Variants in FAT3 observed in about 807,000 individuals in gnomAD.
FAT3 encodes FAT atypical cadherin 3.
FAT3 carries 95 observed loss-of-function variants against 310.2 expected under a neutral mutation model. The ratio of observed to expected loss-of-function variants is 0.31; its 90% CI spans 0.26 to 0.36. The LOEUF is 0.36. Among genes scored for constraint, FAT3 ranks in the 10% least tolerant of loss-of-function variants. The pLI, the probability that FAT3 is intolerant of heterozygous loss-of-function variation, is 1.00. For missense variants in FAT3, 5,408 were observed against 5,715.6 expected (o/e 0.95, Z 1.74); for synonymous variants, 2,314 against 2,192.9 (o/e 1.06, Z -1.54).
At chr11:92,376,068 C>A (rs1949334676) in intron 2 of FAT3, among the ~76,000 whole-genome samples, 1 of 152,160 alleles carries the variant, frequency 6.6e-6, no homozygotes. Flanking sequence ...AACAGTAGCA[C>A]TTTATAAAAT....
intron 2 of FAT3, among the ~76,000 whole-genome samples, chr11:92,489,021 G>A (rs1952518256): frequency 6.6e-6 from 1 of 152,092 alleles, no homozygotes; most frequent in Non-Finnish European, 1.5e-5. Flanking sequence ...AGTCAAATAA[G>A]GTAAGTGCAT....
chr11:92,497,470 CTT>C (rs1346939744), intron 2 of FAT3, among the ~76,000 whole-genome samples: 3 of 152,122 alleles, frequency 2.0e-5, no homozygotes, highest in African/African-American at 7.2e-5. Context: ...ACATTTTTCT[CTT>C]TTAATTTTCT....
intron 1 of FAT3, among the ~76,000 whole-genome samples, chr11:92,239,430 C>A (rs919104067): frequency 2.0e-5 from 3 of 152,078 alleles, no homozygotes; most frequent in African/African-American, 7.2e-5. Context: ...AATGGAGCAT[C>A]TCCTGAGTCA....
In FAT3 at chr11:92,288,149, A is replaced by C. The variant is rs920044502; in HGVS notation, c.-18+62975A>C. ...TAGAATACTATTCAGCCTGTAAAAC[A>C]AAGGAGATTCTGCAATATATGACAA... is the stretch of plus-strand genomic sequence containing the variant. On this transcript the variant is annotated intron_variant, in intron 1 of 27. Coordinates refer to ENST00000525166, the MANE Select transcript of FAT3 (RefSeq NM_001367949.2). 2.0e-5 allele frequency among the ~76,000 whole-genome samples: 3 copies of C among 151,414 alleles called. No homozygotes were observed. In the East Asian group the frequency reaches 5.8e-4, roughly 29 times the overall value.
At chr11:92,227,275 A>G (rs1400482442) in intron 1 of FAT3, among the ~76,000 whole-genome samples, 1 of 152,126 alleles carries the variant, frequency 6.6e-6, no homozygotes, top group African/African-American at 2.4e-5. Flanking sequence ...AGTCCGGGGT[A>G]GTGGGAGGAA....
At chr11:92,677,376 G>A (rs1943321083) in intron 3 of FAT3, among the ~76,000 whole-genome samples, 1 of 152,194 alleles carries the variant, frequency 6.6e-6, no homozygotes, top group South Asian at 2.1e-4. Flanking sequence ...AGTCTCATTT[G>A]CAAGAGGCTA....
At chr11:92,430,093 C>A (rs181107974) in intron 2 of FAT3, among the ~76,000 whole-genome samples, 1 of 152,270 alleles carries the variant, frequency 6.6e-6, no homozygotes, top group African/African-American at 2.4e-5. Context: ...TCTTTATTCT[C>A]TAATCTTGTC....
In FAT3 at chr11:92,314,443, C is replaced by T. The variant is rs116244193; in HGVS notation, c.-17-37653C>T. ...GAAGGGAAAGAGAATTTTAATCTCC[C>T]GAAGCAGTAGAGGGGTAAGTATATA... On this transcript the variant is annotated intron_variant, in intron 1 of 27. Transcript: ENST00000525166. The T allele has an allele frequency of 1.6e-3, 374 of 227,880 alleles. 4 individuals are homozygous for T. The highest frequency in any genetic ancestry group is 7.8e-3 in the African/African-American group (334 of 42,852). 14.1% of individuals were successfully genotyped at this position (227,880 alleles called of 1,614,324 possible). A position where few individuals can be genotyped will look rare whatever the true frequency, so the allele number is the denominator to read the frequency against.
At chr11:92,533,041 T>G (rs1305331803) in intron 3 of FAT3, among the ~76,000 whole-genome samples, 1 of 152,070 alleles carries the variant, frequency 6.6e-6, no homozygotes, top group Non-Finnish European at 1.5e-5. Flanking sequence ...CACTATCTGT[T>G]TGTTTTTTAA....
At chr11:92,387,787 G>A (rs1949660612) in intron 2 of FAT3, among the ~76,000 whole-genome samples, 1 of 152,148 alleles carries the variant, frequency 6.6e-6, no homozygotes, top group South Asian at 2.1e-4. Context: ...CTTCTGAATG[G>A]GAGTGGTGCT....
chr11:92,435,523 CTCTTT>C (rs1950914517), intron 2 of FAT3, among the ~76,000 whole-genome samples: 6 of 141,550 alleles, frequency 4.2e-5, no homozygotes, highest in African/African-American at 1.3e-4. Context: ...TCCTTCCTTT[CTCTTT>C]CTTTCTTTCC....
intron 2 of FAT3, among the ~76,000 whole-genome samples, chr11:92,472,693 A>G (rs1187752251): frequency 6.6e-6 from 1 of 152,196 alleles, no homozygotes; most frequent in Non-Finnish European, 1.5e-5. Context: ...CACCCTCTCC[A>G]TGTCTGAATT....
chr11:92,882,585 T>TCCCCG lies in FAT3; in HGVS notation c.12282-149_12282-148insGCCCC, dbSNP rs1555169679. On this transcript the variant is annotated intron_variant, in intron 23 of 27. Coordinates refer to ENST00000525166, the MANE Select transcript of FAT3 (RefSeq NM_001367949.2). ...CAGAAATGCCTAAATTAACTCCCCC[T>TCCCCG]CCCCCCCCCCACCAACCATCTTTGT... Among the ~76,000 whole-genome samples, 54 of 93,246 alleles carry TCCCCG rather than the reference T, an allele frequency of 5.8e-4. 2 individuals are homozygous for TCCCCG. In the South Asian group the frequency reaches 0.024, roughly 41 times the overall value. 61.2% of individuals were successfully genotyped at this position (93,246 alleles called of 152,430 possible).
intron 3 of FAT3, among the ~76,000 whole-genome samples, chr11:92,567,994 AAC>A (rs1955528323): frequency 6.6e-6 from 1 of 152,148 alleles, no homozygotes; most frequent in Admixed American, 6.5e-5. Context: ...GTACATATGT[AAC>A]TAACCTGCAC....
chr11:92,225,571 G>A (rs941209495), intron 1 of FAT3, among the ~76,000 whole-genome samples: 1 of 152,140 alleles, frequency 6.6e-6, no homozygotes, highest in South Asian at 2.1e-4. Flanking sequence ...CTTGGCAGCC[G>A]GTGCCTCTCG....
intron 2 of FAT3, among the ~76,000 whole-genome samples, chr11:92,464,453 G>A (rs1004383814): frequency 6.6e-6 from 1 of 152,154 alleles, no homozygotes; most frequent in Non-Finnish European, 1.5e-5. Context: ...CTCATATAGG[G>A]TAATTTGGGG....
intron 1 of FAT3, among the ~76,000 whole-genome samples, chr11:92,226,863 C>T (rs1222650560): frequency 6.6e-6 from 1 of 152,142 alleles, no homozygotes; most frequent in East Asian, 1.9e-4. Context: ...ACGCTGGGAC[C>T]GCGGTAATGA....
chr11:92,837,297 A>G (rs1948431268), intron 16 of FAT3, among the ~76,000 whole-genome samples: 1 of 152,216 alleles, frequency 6.6e-6, no homozygotes, highest in Admixed American at 6.5e-5. Context: ...CAGCAGTGAC[A>G]ACTATTGCAC....
intron 1 of FAT3, among the ~76,000 whole-genome samples, chr11:92,349,212 G>C (rs1351915659): frequency 1.3e-5 from 2 of 152,128 alleles, no homozygotes; most frequent in East Asian, 3.9e-4. Context: ...TTTCTCTGGA[G>C]CATTCTGGGA....
Sources: allele counts gnomAD v4.1 joint callset (sites outside exome capture counted in the v4.1 genomes callset), GRCh38; gene constraint gnomAD v4.1.1; transcripts MANE v1.5; gene names NCBI Gene and HGNC (gene_info 2026-07-23, HGNC 2026-07-21).